The following PAICS variants were observed in gnomAD, a reference collection of about 807,000 sequenced individuals.
PAICS encodes bifunctional phosphoribosylaminoimidazole carboxylase/phosphoribosylaminoimidazole succinocarboxamide synthetase.
Under a neutral mutation model 53.7 loss-of-function variants are expected in PAICS, and 33 were observed. The ratio of observed to expected loss-of-function variants is 0.61; its 90% CI spans 0.47 to 0.82. PAICS has a LOEUF of 0.82. PAICS is among the 40% of genes least tolerant of loss of function. The pLI, the probability that PAICS is intolerant of heterozygous loss-of-function variation, is 0.00. For missense variants in PAICS, 394 were observed against 494.1 expected (o/e 0.80, Z 1.92); for synonymous variants, 141 against 167.2 (o/e 0.84, Z 1.21).
At chr4:56,458,540 G>A (rs938225857) in intron 8 of PAICS, among the ~76,000 whole-genome samples, 4 of 152,140 alleles carry the variant, frequency 2.6e-5, no homozygotes, top group Non-Finnish European at 4.4e-5. Context: ...ATAAATTAAC[G>A]TGAAGTAACT....
At chr4:56,437,285 G>A (rs1718060144) in intron 1 of PAICS, among the ~76,000 whole-genome samples, 1 of 151,392 alleles carries the variant, frequency 6.6e-6, no homozygotes. Context: ...GTGTGTGTGT[G>A]TGTGTGTGTG....
At chr4:56,450,785 A>C (rs1264064284) in intron 6 of PAICS, 83 bp downstream of exon 6, 1 of 710,508 alleles carries the variant, frequency 1.4e-6, no homozygotes, top group Non-Finnish European at 2.5e-6. Context: ...AAAATGGGAG[A>C]GTATAGTGCT....
chr4:56,435,797 G>A (rs1717890080), upstream of PAICS: 1 of 1,514,802 alleles, frequency 6.6e-7, no homozygotes, highest in African/African-American at 1.4e-5. Context: ...TGCTGCACGT[G>A]GAAATCTCCG....
chr4:56,446,402 TGTGTTTTTCATTTAGCCTA>T (rs1718622238), intron 2 of PAICS: 2 of 718,120 alleles, frequency 2.8e-6, no homozygotes. Context: ...TTTTGCATTT[TGTGTTTTTCATTTAGCCTA>T]GTGTTTTTAA....
rs1718636868 is a variant in PAICS, at chr4:56,446,703, A to G, written c.223A>G (p.Thr75Ala). The G allele has an allele frequency of 1.9e-6, 3 of 1,592,180 alleles. No homozygotes were observed. Among genetic ancestry groups the G allele is most frequent in the Non-Finnish European group, 1.7e-6 (2 of 1,166,990 alleles). ...TGGTTATCAATATGTAGGTATTAAA[A>G]CTGCCTTCACCAGAAAATGTGGGGA... ...FQLLQEAGIK[T>A]AFTRKCGETA... The change falls in exon 3 of 9, where the codon ACT becomes GCT. Residue 75 changes from threonine (T) to alanine (A), a missense_variant. Physicochemically the swap from Thr to Ala is moderately conservative, Grantham distance 58. Coordinates refer to ENST00000512576, the MANE Select transcript of PAICS (RefSeq NM_001079524.2).
chr4:56,434,356 T>C (rs1420684597), upstream of PAICS, among the ~76,000 whole-genome samples: 2 of 152,248 alleles, frequency 1.3e-5, no homozygotes, highest in Non-Finnish European at 2.9e-5. Flanking sequence ...TTACGTGTTA[T>C]TGCCAAGTTC....
rs748159694 is a variant in PAICS, at chr4:56,464,032, T to C, written c.*4494T>C. The C allele has an allele frequency of 6.6e-6, 1 of 152,258 alleles. No individual in the cohort carries two copies. Among genetic ancestry groups the C allele is most frequent in the Non-Finnish European group, 1.5e-5 (1 of 68,090 alleles). 9.4% of individuals were successfully genotyped at this position (152,258 alleles called of 1,614,324 possible). Reference sequence around the variant, plus strand: ...TCGTGCCCCCAGATGTTGGTGCTCCTGGTCCTCAGGCCTTCAGACTAGGAC... The same window carrying C: ...TCGTGCCCCCAGATGTTGGTGCTCCCGGTCCTCAGGCCTTCAGACTAGGAC... On this transcript the variant is annotated 3_prime_UTR_variant, in exon 9 of 9. Transcript: ENST00000512576.
the PAICS span, chr4:56,419,586 A>T: frequency 2.6e-6 from 2 of 771,618 alleles, no homozygotes; most frequent in East Asian, 1.3e-4. Flanking sequence ...TATAATGCAT[A>T]TATCTTTTAC....
chr4:56,443,997 CAG>C (rs1718464509), intron 2 of PAICS, among the ~76,000 whole-genome samples: 1 of 152,068 alleles, frequency 6.6e-6, no homozygotes, highest in African/African-American at 2.4e-5. Flanking sequence ...AATTTCTAAA[CAG>C]ACTAGTTTTA....
chr4:56,452,098 T>C (rs1157774636), intron 7 of PAICS, 46 bp downstream of exon 7: 1 of 1,260,020 alleles, frequency 7.9e-7, no homozygotes, highest in Non-Finnish European at 1.1e-6. Flanking sequence ...CTGATTTTGC[T>C]AAAAGTAATT....
At chr4:56,435,904 G>A (rs1306280946), upstream of PAICS, 2 of 1,488,428 alleles carry the variant, frequency 1.3e-6, no homozygotes, top group Non-Finnish European at 1.8e-6. Context: ...TTCCCTGCAT[G>A]CTTCCCCCAG....
At chr4:56,416,058 A>T in the PAICS span, among the ~76,000 whole-genome samples, 1 of 106,454 alleles carries the variant, frequency 9.4e-6, no homozygotes. Context: ...CGACAGAGTA[A>T]GACTCTGTCT....
the PAICS span, among the ~76,000 whole-genome samples, chr4:56,411,545 T>C: frequency 6.6e-6 from 1 of 152,174 alleles, no homozygotes; most frequent in Non-Finnish European, 1.5e-5. Flanking sequence ...ACTATTTACA[T>C]AGAATCTACT....
chr4:56,458,223 G>T (rs1332647275), intron 8 of PAICS, among the ~76,000 whole-genome samples: 1 of 151,966 alleles, frequency 6.6e-6, no homozygotes, highest in Non-Finnish European at 1.5e-5. Context: ...ACAGTAACCT[G>T]TGTAAAATCC....
intron 8 of PAICS, among the ~76,000 whole-genome samples, chr4:56,454,124 G>A (rs1719067024): frequency 6.6e-6 from 1 of 152,170 alleles, no homozygotes; most frequent in Admixed American, 6.5e-5. Flanking sequence ...GGAGACATGA[G>A]TCCAGCTCAA....
chr4:56,424,839 T>G, the PAICS span, among the ~76,000 whole-genome samples: 1 of 152,224 alleles, frequency 6.6e-6, no homozygotes, highest in African/African-American at 2.4e-5. Context: ...TGCCTTATTA[T>G]CTATGTATTC....
At chr4:56,421,972 T>C in the PAICS span, 1 of 151,968 alleles carries the variant, frequency 6.6e-6, no homozygotes, top group African/African-American at 2.4e-5. Context: ...TGCATTAGAG[T>C]TTAAAACACA....
At chr4:56,431,047 A>C (rs771516282), upstream of PAICS, among the ~76,000 whole-genome samples, 40 of 152,186 alleles carry the variant, frequency 2.6e-4, no homozygotes, top group Non-Finnish European at 4.7e-4. Flanking sequence ...TTAAAGCAAG[A>C]ATCACTGAAT....
At chr4:56,441,609 T>A in intron 1 of PAICS, 54 bp from the exon 2 acceptor site, 1 of 753,338 alleles carries the variant, frequency 1.3e-6, no homozygotes. Context: ...TGATTTAGTC[T>A]TCAGCATTCA....
Sources: allele counts gnomAD v4.1 joint callset (sites outside exome capture counted in the v4.1 genomes callset), GRCh38; gene constraint gnomAD v4.1.1; transcripts MANE v1.5; gene names NCBI Gene and HGNC (gene_info 2026-07-23, HGNC 2026-07-21).